Variants in IL1RAPL1 observed in about 807,000 individuals in gnomAD.
IL1RAPL1 encodes the protein interleukin 1 receptor accessory protein like 1.
A neutral mutation model predicts 48.4 loss-of-function variants in IL1RAPL1; 3 were observed. The ratio of observed to expected loss-of-function variants is 0.06; its 90% CI spans 0.03 to 0.16. The LOEUF (loss-of-function observed/expected upper bound fraction) is 0.16. Ranked by LOEUF, IL1RAPL1 falls within the 10% of genes least tolerant of loss-of-function variation. IL1RAPL1 has a pLI of 1.00. For synonymous variants in IL1RAPL1, 185 were observed against 187.7 expected, an observed-to-expected ratio of 0.99 and a Z score of 0.12; for missense variants, 349 against 530.6, an observed-to-expected ratio of 0.66 and a Z score of 3.36.
At chrX:29,045,137 T>C (rs1926926715) in intron 2 of IL1RAPL1, among the ~76,000 whole-genome samples, 1 of 111,656 alleles carries the variant, frequency 9.0e-6, no homozygotes, top group Non-Finnish European at 1.9e-5. Context: ...GCTACTGCTG[T>C]CACGGTGGAT....
intron 2 of IL1RAPL1, among the ~76,000 whole-genome samples, chrX:28,811,363 A>G (rs984818983): frequency 1.8e-5 from 2 of 111,232 alleles, no homozygotes; most frequent in South Asian, 3.7e-4. Flanking sequence ...CACCTCTGAC[A>G]AATTGTAAAG....
chrX:28,630,682 C>T lies in IL1RAPL1; in HGVS notation c.-25+42635C>T, dbSNP rs751575820. Among the ~76,000 whole-genome samples the T allele has an allele frequency of 4.5e-5, 5 of 112,097 alleles. No homozygotes were observed. The East Asian group carries it at 1.4e-3, about 31-fold the overall frequency. On this transcript the variant is annotated intron_variant, in intron 1 of 10. Coordinates refer to ENST00000378993, the MANE Select transcript of IL1RAPL1 (RefSeq NM_014271.4). ...AATTTTAAGGAGGATAAAAATAATT[C>T]TTGAGTGAAATAATTCATACTAGGC...
At chrX:29,415,697 G>A (rs1934206433) in intron 5 of IL1RAPL1, among the ~76,000 whole-genome samples, 1 of 112,156 alleles carries the variant, frequency 8.9e-6, no homozygotes. Context: ...GGGATTACAG[G>A]CGTGAACCAC....
At chrX:29,433,505 TA>T (rs930957312) in intron 5 of IL1RAPL1, among the ~76,000 whole-genome samples, 1 of 111,314 alleles carries the variant, frequency 9.0e-6, no homozygotes, top group African/African-American at 3.2e-5. Flanking sequence ...TCTTTAGAAA[TA>T]ATTTTTCAAA....
chrX:29,954,204 C>T (rs1177415019), intron 9 of IL1RAPL1, among the ~76,000 whole-genome samples: 1 of 90,796 alleles, frequency 1.1e-5, no homozygotes, highest in Non-Finnish European at 2.1e-5. Context: ...CCACTGCACT[C>T]CAGCCTGGAC....
chrX:29,082,750 C>A (rs773959137), intron 2 of IL1RAPL1, among the ~76,000 whole-genome samples: 1 of 111,380 alleles, frequency 9.0e-6, no homozygotes, highest in Non-Finnish European at 1.9e-5. Context: ...GTGAAGATTG[C>A]GGCAGGTGTT....
chrX:28,986,743 T>C (rs1925484816), intron 2 of IL1RAPL1, among the ~76,000 whole-genome samples: 1 of 112,207 alleles, frequency 8.9e-6, no homozygotes, highest in African/African-American at 3.2e-5. Flanking sequence ...AATATACCCG[T>C]TTTTCTTTAG....
intron 5 of IL1RAPL1, among the ~76,000 whole-genome samples, chrX:29,656,371 G>A (rs908734773): frequency 1.8e-5 from 2 of 110,945 alleles, no homozygotes; most frequent in African/African-American, 6.6e-5. Context: ...CCCATCACCC[G>A]AGCAGTGTAT....
At chrX:29,098,336 A>ATTGTTG (rs764127469) in intron 2 of IL1RAPL1, among the ~76,000 whole-genome samples, 2 of 110,830 alleles carry the variant, frequency 1.8e-5, no homozygotes, top group Non-Finnish European at 3.8e-5. Flanking sequence ...CATCCCCTGA[A>ATTGTTG]TTGTTGTTGT....
chrX:29,501,327 A>G (rs1420447397), intron 5 of IL1RAPL1, among the ~76,000 whole-genome samples: 2 of 110,863 alleles, frequency 1.8e-5, no homozygotes, highest in Non-Finnish European at 3.8e-5. Flanking sequence ...TACTTTTGCT[A>G]CTTTTGCTTT....
chrX:29,087,753 G>A (rs1927986509), intron 2 of IL1RAPL1, among the ~76,000 whole-genome samples: 1 of 112,206 alleles, frequency 8.9e-6, no homozygotes, highest in South Asian at 3.7e-4. Flanking sequence ...GTCTTCATAG[G>A]CTGAGCTCAA....
At chrX:29,041,048 A>G (rs1270321739) in intron 2 of IL1RAPL1, among the ~76,000 whole-genome samples, 4 of 112,246 alleles carry the variant, frequency 3.6e-5, no homozygotes. Flanking sequence ...CCAAGAGTGT[A>G]TGAATCCTTC....
chrX:28,619,317 A>C (rs904745303), intron 1 of IL1RAPL1, among the ~76,000 whole-genome samples: 3 of 110,833 alleles, frequency 2.7e-5, no homozygotes, highest in African/African-American at 6.6e-5. Context: ...CCTGAAGGCC[A>C]GGCATGGTGG....
chrX:29,269,877 A>G (rs1214850999), intron 2 of IL1RAPL1, among the ~76,000 whole-genome samples: 1 of 111,343 alleles, frequency 9.0e-6, no homozygotes, highest in Non-Finnish European at 1.9e-5. Flanking sequence ...GACTGTGAAC[A>G]TACCCATCAC....
intron 2 of IL1RAPL1, among the ~76,000 whole-genome samples, chrX:29,076,217 AT>A (rs1372457014): frequency 1.8e-5 from 2 of 111,912 alleles, no homozygotes; most frequent in East Asian, 2.8e-4. Context: ...ACTTTTAGTA[AT>A]TGTCAATAAC....
In IL1RAPL1 at chrX:29,876,132, T is replaced by G. The variant is rs539207695; in HGVS notation, c.779-41332T>G. On this transcript the variant is annotated intron_variant, in intron 6 of 10. Transcript: ENST00000378993. ...CTAAACTCTGAAGGAGATCTGTTGA[T>G]AGAGTCTAATGTGTCATCCAGCTTT... Among the ~76,000 whole-genome samples, 5 of 111,866 alleles carry G rather than the reference T, an allele frequency of 4.5e-5. No homozygotes were observed. The South Asian group carries it at 1.9e-3, about 43-fold the overall frequency.
At chrX:29,355,208 A>G (rs1415334587) in intron 3 of IL1RAPL1, among the ~76,000 whole-genome samples, 2 of 111,715 alleles carry the variant, frequency 1.8e-5, no homozygotes, top group Non-Finnish European at 3.8e-5. Context: ...AGAGCTTCAC[A>G]TGTGTCTGCT....
At chrX:28,607,701 C>T (rs980063303) in intron 1 of IL1RAPL1, among the ~76,000 whole-genome samples, 4 of 110,030 alleles carry the variant, frequency 3.6e-5, no homozygotes, top group Non-Finnish European at 5.7e-5. Context: ...TACTTTGTTA[C>T]TCCTCTGCTG....
At chrX:29,251,462 G>A (rs755132629) in intron 2 of IL1RAPL1, among the ~76,000 whole-genome samples, 1 of 111,567 alleles carries the variant, frequency 9.0e-6, no homozygotes, top group East Asian at 2.8e-4. Context: ...GAGTAGGACA[G>A]TTATATTTAT....
Sources: gnomAD v4.1 joint callset for allele counts (sites outside exome capture counted in the v4.1 genomes callset) on GRCh38, gnomAD v4.1.1 for gene constraint, MANE v1.5 for transcripts, NCBI Gene and HGNC (gene_info 2026-07-23, HGNC 2026-07-21) for gene names.